TTC28: variants seen among roughly 807,000 people sequenced by gnomAD.
The protein encoded by TTC28 is tetratricopeptide repeat domain 28, also known as tetratricopeptide repeat protein 28.
In TTC28, 61 loss-of-function variants were observed where a neutral mutation model predicts 198.0. The observed-to-expected ratio is 0.31, with a 90% CI of 0.25 to 0.38. TTC28 has a LOEUF of 0.38. TTC28 is among the 10% of genes least tolerant of loss of function. TTC28 has a pLI of 1.00. For synonymous variants in TTC28, 1,171 were observed against 1,297.8 expected (o/e 0.90, Z 2.10); for missense variants, 2,678 against 3,164.0 (o/e 0.85, Z 3.69).
intron 6 of TTC28, among the ~76,000 whole-genome samples, chr22:28,129,011 T>C (rs533050526): frequency 5.3e-5 from 8 of 152,324 alleles, no homozygotes; most frequent in Admixed American, 4.6e-4. Context: ...AAAAGATGCC[T>C]AACTGCCTTG....
chr22:28,512,729 A>G (rs1405227947), intron 2 of TTC28, among the ~76,000 whole-genome samples: 1 of 152,178 alleles, frequency 6.6e-6, no homozygotes, highest in Non-Finnish European at 1.5e-5. Context: ...AATGGTGAGA[A>G]TACATGGACA....
At chr22:28,512,979 A>ATTTTTTTT (rs695729) in intron 2 of TTC28, among the ~76,000 whole-genome samples, 10 of 125,884 alleles carry the variant, frequency 7.9e-5, no homozygotes, top group Non-Finnish European at 1.3e-4. Flanking sequence ...TTTAACCTGG[A>ATTTTTTTT]TTTTTTTTTT....
chr22:28,507,131 T>C (rs1311125497), intron 2 of TTC28, among the ~76,000 whole-genome samples: 1 of 152,158 alleles, frequency 6.6e-6, no homozygotes, highest in African/African-American at 2.4e-5. Flanking sequence ...AAGGAGCATG[T>C]TGTAACCCAA....
At chr22:28,286,006 T>A (rs2044678913) in intron 5 of TTC28, among the ~76,000 whole-genome samples, 1 of 151,848 alleles carries the variant, frequency 6.6e-6, no homozygotes. Context: ...ATTATTAATT[T>A]TTTTTTTTTT....
intron 2 of TTC28, among the ~76,000 whole-genome samples, chr22:28,610,083 C>T (rs2050795400): frequency 6.6e-6 from 1 of 152,190 alleles, no homozygotes; most frequent in Non-Finnish European, 1.5e-5. Context: ...AGGCAGCAGC[C>T]CCAGTCAAGG....
chr22:28,410,734 A>C (rs1184517433), intron 2 of TTC28, among the ~76,000 whole-genome samples: 1 of 152,232 alleles, frequency 6.6e-6, no homozygotes, highest in Admixed American at 6.5e-5. Flanking sequence ...TACAATCAGA[A>C]AGATATTTAA....
At chr22:28,358,546 G>A (rs888630815) in intron 2 of TTC28, among the ~76,000 whole-genome samples, 2 of 152,196 alleles carry the variant, frequency 1.3e-5, no homozygotes, top group Admixed American at 1.3e-4. Context: ...CATAAAAGCA[G>A]TTAATCAGCA....
At chr22:28,086,968 T>G (rs188716741) in intron 12 of TTC28, among the ~76,000 whole-genome samples, 2 of 152,000 alleles carry the variant, frequency 1.3e-5, no homozygotes, top group Admixed American at 1.3e-4. Context: ...CAGGAAGAAG[T>G]TGAATATCTA....
intron 2 of TTC28, among the ~76,000 whole-genome samples, chr22:28,620,597 T>G (rs1489406547): frequency 6.6e-6 from 1 of 152,170 alleles, no homozygotes; most frequent in African/African-American, 2.4e-5. Context: ...GCTTTACCAG[T>G]GTGATCCTGA....
In TTC28 at chr22:28,592,003, C is replaced by T. The variant is rs529535828; in HGVS notation, c.381+37549G>A. Among the ~76,000 whole-genome samples the T allele has an allele frequency of 2.6e-5, 4 of 152,110 alleles. No individual in the cohort carries two copies. In the South Asian group the frequency reaches 6.2e-4, roughly 24 times the overall value. On this transcript the variant is annotated intron_variant, in intron 2 of 22. Transcript: ENST00000397906. ...TGAATGAAAGAGACTGTCATGCGGC[C>T]GTCCAAGGGGCCACCAAGTGGAAGG... is the stretch of plus-strand genomic sequence containing the variant.
intron 5 of TTC28, among the ~76,000 whole-genome samples, chr22:28,262,648 A>T (rs1931405358): frequency 6.6e-6 from 1 of 152,146 alleles, no homozygotes; most frequent in South Asian, 2.1e-4. Flanking sequence ...AATAAAATAA[A>T]ATCAGTGCTA....
chr22:27,985,189 G>C, intron 22 of TTC28, 60 bp downstream of exon 22: 1 of 1,255,988 alleles, frequency 8.0e-7, no homozygotes, highest in South Asian at 1.3e-5. Flanking sequence ...TGCTGGTGTC[G>C]GCCCCCAGGG....
intron 12 of TTC28, among the ~76,000 whole-genome samples, chr22:28,080,056 A>G (rs1941292137): frequency 6.6e-6 from 1 of 152,160 alleles, no homozygotes; most frequent in Non-Finnish European, 1.5e-5. Context: ...AGGCTGAGTA[A>G]TATTCCATTG....
intron 2 of TTC28, among the ~76,000 whole-genome samples, chr22:28,343,252 A>G (rs1167201703): frequency 6.6e-6 from 1 of 152,204 alleles, no homozygotes; most frequent in African/African-American, 2.4e-5. Flanking sequence ...GATACAGGCC[A>G]GGCACAGTGG....
At chr22:28,123,753 C>G (rs549606998) in intron 6 of TTC28, among the ~76,000 whole-genome samples, 1 of 151,716 alleles carries the variant, frequency 6.6e-6, no homozygotes, top group African/African-American at 2.4e-5. Flanking sequence ...GAGGCCGAGG[C>G]GGGTGGATTG....
chr22:28,422,750 A>G (rs2047280630), intron 2 of TTC28, among the ~76,000 whole-genome samples: 1 of 152,062 alleles, frequency 6.6e-6, no homozygotes, highest in Non-Finnish European at 1.5e-5. Context: ...CAGCCAAATA[A>G]GTTAATTTTT....
chr22:28,035,225 T>C (rs574219331), intron 12 of TTC28, among the ~76,000 whole-genome samples: 18 of 152,228 alleles, frequency 1.2e-4, no homozygotes, highest in Non-Finnish European at 2.6e-4. Flanking sequence ...TAACCAGTTA[T>C]TTGCCAAAGA....
intron 2 of TTC28, among the ~76,000 whole-genome samples, chr22:28,431,217 C>T (rs1285711149): frequency 6.6e-6 from 1 of 152,100 alleles, no homozygotes; most frequent in Non-Finnish European, 1.5e-5. Context: ...CTGAGAAATG[C>T]ACTTTATTCA....
chr22:28,032,252 TATATATATATATATA>T (rs1939154035), intron 12 of TTC28, among the ~76,000 whole-genome samples: 1 of 79,566 alleles, frequency 1.3e-5, no homozygotes, highest in Non-Finnish European at 2.2e-5. Flanking sequence ...ATATATAAAA[TATATATATATATATA>T]GTGTGTGTGT....
Sources: allele counts gnomAD v4.1 joint callset (sites outside exome capture counted in the v4.1 genomes callset), GRCh38; gene constraint gnomAD v4.1.1; transcripts MANE v1.5; gene names NCBI Gene and HGNC (gene_info 2026-07-23, HGNC 2026-07-21).